MYLK: variants seen among roughly 807,000 people sequenced by gnomAD.
MYLK encodes the protein myosin light chain kinase, smooth muscle.
In MYLK, 106 loss-of-function variants were observed where a neutral mutation model predicts 203.4. That is an observed-to-expected ratio of 0.52 (90% CI 0.45 to 0.61). MYLK has a LOEUF of 0.61. Among genes scored for constraint, MYLK ranks in the 20% least tolerant of loss-of-function variants. The probability of loss-of-function intolerance (pLI) is 0.00; values close to 1 mark genes in which losing one functional copy is unlikely to be tolerated. For missense variants in MYLK, 2,072 were observed against 2,442.3 expected (o/e 0.85, Z 3.20); for synonymous variants, 867 against 959.5 (o/e 0.90, Z 1.78).
intron 4 of MYLK, among the ~76,000 whole-genome samples, chr3:123,780,020 A>C (rs1197055493): frequency 6.6e-6 from 1 of 152,204 alleles, no homozygotes; most frequent in Non-Finnish European, 1.5e-5. Flanking sequence ...GCATACCATT[A>C]GTGTTTACTG....
chr3:123,694,996 G>C (rs1371277401), intron 18 of MYLK, among the ~76,000 whole-genome samples: 1 of 152,258 alleles, frequency 6.6e-6, no homozygotes, highest in African/African-American at 2.4e-5. Flanking sequence ...CAGCATCACT[G>C]CAGAGCTCCG....
intron 2 of MYLK, among the ~76,000 whole-genome samples, chr3:123,875,754 G>A (rs1334628615): frequency 6.6e-6 from 1 of 152,092 alleles, no homozygotes; most frequent in African/African-American, 2.4e-5. Flanking sequence ...GGAAAATGCT[G>A]ATCATTTGTC....
chr3:123,782,513 T>C (rs2064339689), intron 4 of MYLK, among the ~76,000 whole-genome samples: 1 of 152,212 alleles, frequency 6.6e-6, no homozygotes, highest in Non-Finnish European at 1.5e-5. Context: ...AAGATAGATA[T>C]TAGAAGGAAT....
Position 123,735,390 on chromosome 3 carries a change from A to G in MYLK, c.773+8T>C, listed in dbSNP as rs1484382034. 2.5e-6 allele frequency: 4 copies of G among 1,614,034 alleles called. No individual in the cohort carries two copies. The African/African-American group carries it at 5.3e-5, about 22-fold the overall frequency. On this transcript the variant is annotated splice_region_variant and intron_variant, in intron 9 of 33. Transcript: ENST00000360304. ...GGAAAACGTAAAAGTCACAAAGCCT[A>G]GACATACCTATTGGCACTGTCCAAA... is the stretch of plus-strand genomic sequence containing the variant.
intron 28 of MYLK, chr3:123,639,109 G>C (rs2058743439): frequency 1.0e-6 from 1 of 965,808 alleles, no homozygotes; most frequent in African/African-American, 1.8e-5. Flanking sequence ...TGTTCCCTGG[G>C]CTCTGACACT....
chr3:123,870,984 G>T (rs2032744954), intron 2 of MYLK, among the ~76,000 whole-genome samples: 1 of 152,018 alleles, frequency 6.6e-6, no homozygotes, highest in African/African-American at 2.4e-5. Context: ...GAGCATTAGG[G>T]TCCTAGACTG....
chr3:123,802,063 T>C (rs2065215652), intron 3 of MYLK, among the ~76,000 whole-genome samples: 1 of 152,238 alleles, frequency 6.6e-6, no homozygotes, highest in South Asian at 2.1e-4. Context: ...TAAGTGTCTT[T>C]CTTTTTTTCT....
intron 28 of MYLK, chr3:123,638,715 T>C: frequency 1.0e-6 from 1 of 982,338 alleles, no homozygotes; most frequent in Non-Finnish European, 1.2e-6. Flanking sequence ...GTCCAACTCC[T>C]GAGCCATGCT....
intron 13 of MYLK, among the ~76,000 whole-genome samples, chr3:123,718,268 G>C (rs1367385390): frequency 6.6e-6 from 1 of 152,154 alleles, no homozygotes; most frequent in South Asian, 2.1e-4. Flanking sequence ...CTGCACTGCA[G>C]GGGAGGTTCG....
intron 20 of MYLK, among the ~76,000 whole-genome samples, chr3:123,676,864 T>A (rs1489699211): frequency 6.6e-6 from 1 of 152,230 alleles, no homozygotes; most frequent in Admixed American, 6.5e-5. Context: ...TCCGTTTATA[T>A]CTCTTCTGAA....
rs1383810072 is a variant in MYLK at position 123,708,906 on chromosome 3, A to G, written c.1943-11T>C. On this transcript the variant is annotated splice_polypyrimidine_tract_variant and intron_variant, in intron 14 of 33. Transcript: ENST00000360304. ...CAGGGGGTGGATTCCCTGAACCAGG[A>G]GGAGGGGAAGGGGGATTGGTTAGGG... The G allele has an allele frequency of 4.3e-6, 7 of 1,613,230 alleles. No homozygotes were observed. Among genetic ancestry groups the G allele is most frequent in the Non-Finnish European group, 5.9e-6 (7 of 1,179,294 alleles).
At position 123,612,154 on chromosome 3, in the gene MYLK, AAATC is replaced by A. The variant is rs1194407474; in HGVS notation, c.*1947_*1950del. 1 of 152,658 alleles carries A rather than the reference AAATC, an allele frequency of 6.6e-6. No homozygotes were observed. Among genetic ancestry groups the A allele is most frequent in the African/African-American group, 2.4e-5 (1 of 41,454 alleles). 9.5% of individuals were successfully genotyped at this position (152,658 alleles called of 1,614,324 possible). A position where few individuals can be genotyped will look rare whatever the true frequency, so the allele number is the denominator to read the frequency against. ...CTACCTATATAAACAAGAACTTCCT[AAATC>A]ATTCTGTTCCATAGCAAAACACAAC... On this transcript the variant is annotated 3_prime_UTR_variant, in exon 34 of 34. Coordinates refer to ENST00000360304, the MANE Select transcript of MYLK (RefSeq NM_053025.4).
At chr3:123,713,249 C>T (rs1416285169) in intron 13 of MYLK, among the ~76,000 whole-genome samples, 3 of 152,138 alleles carry the variant, frequency 2.0e-5, no homozygotes, top group Non-Finnish European at 4.4e-5. Flanking sequence ...CAGAACGAGC[C>T]TGTTCTCAGA....
intron 13 of MYLK, among the ~76,000 whole-genome samples, chr3:123,718,483 C>T (rs182413651): frequency 8.0e-4 from 122 of 152,334 alleles, no homozygotes; most frequent in African/African-American, 2.9e-3. Flanking sequence ...GGTGAGCCCC[C>T]GCATTCTGAA....
chr3:123,785,714 G>C (rs781076934), intron 4 of MYLK, among the ~76,000 whole-genome samples: 12 of 152,314 alleles, frequency 7.9e-5, no homozygotes, highest in Non-Finnish European at 1.3e-4. Context: ...CTGTCCGAAA[G>C]GACATTCTAT....
At chr3:123,826,277 C>G (rs1416567907) in intron 3 of MYLK, among the ~76,000 whole-genome samples, 1 of 152,222 alleles carries the variant, frequency 6.6e-6, no homozygotes, top group African/African-American at 2.4e-5. Context: ...CATGCCACCA[C>G]ACCAGTTGAG....
At chr3:123,671,307 GA>G (rs1272420869) in intron 20 of MYLK, among the ~76,000 whole-genome samples, 1 of 152,216 alleles carries the variant, frequency 6.6e-6, no homozygotes, top group Non-Finnish European at 1.5e-5. Context: ...AAAGATTCCA[GA>G]ATTAAAGAAG....
In MYLK at chr3:123,648,892, G is replaced by T; in HGVS notation, c.4415+79C>A. 1.6e-6 allele frequency: 2 copies of T among 1,230,514 alleles called. No homozygotes were observed. Among genetic ancestry groups the T allele is most frequent in the Non-Finnish European group, 1.2e-6 (1 of 834,876 alleles). 76.2% of individuals were successfully genotyped at this position (1,230,514 alleles called of 1,614,324 possible). ...GGCAGGCCCCAGGGAGCAACAGGAA[G>T]CTGAGGCACTGAATCTAACTGTGAG... On this transcript the variant is annotated intron_variant, in intron 26 of 33. Transcript: ENST00000360304. The surrounding 1 kb of genome is among the most constrained non-coding windows in gnomAD (Gnocchi z 4.5).
chr3:123,815,783 T>C (rs1237490062), intron 3 of MYLK, among the ~76,000 whole-genome samples: 3 of 152,272 alleles, frequency 2.0e-5, no homozygotes, highest in Admixed American at 6.5e-5. Context: ...TCTCAGTTTA[T>C]GTCCTTCAAA....
Sources: allele counts gnomAD v4.1 joint callset (sites outside exome capture counted in the v4.1 genomes callset), GRCh38; gene constraint gnomAD v4.1.1; non-coding constraint Gnocchi (gnomAD v3.1); transcripts MANE v1.5; gene names NCBI Gene and HGNC (gene_info 2026-07-23, HGNC 2026-07-21).